The following HOOK1 variants were observed in gnomAD, a reference collection of about 807,000 sequenced individuals.
HOOK1 encodes protein Hook homolog 1.
In HOOK1, 60 loss-of-function variants were observed where a neutral mutation model predicts 112.8. That is an observed-to-expected ratio of 0.53 (90% CI 0.43 to 0.66). HOOK1 has a LOEUF of 0.66. Ranked by LOEUF, HOOK1 falls within the 30% of genes least tolerant of loss-of-function variation. HOOK1 has a pLI of 0.00. For synonymous variants in HOOK1, 294 were observed against 283.8 expected, an observed-to-expected ratio of 1.04 and a Z score of -0.36; for missense variants, 770 against 856.0, an observed-to-expected ratio of 0.90 and a Z score of 1.25.
intron 3 of HOOK1, among the ~76,000 whole-genome samples, chr1:59,831,366 A>G (rs1013258994): frequency 4.6e-5 from 7 of 152,098 alleles, no homozygotes; most frequent in African/African-American, 9.7e-5. Flanking sequence ...TGCGTGTAGC[A>G]TGGTGTCTTC....
intron 1 of HOOK1, among the ~76,000 whole-genome samples, chr1:59,817,362 G>A (rs1167919346): frequency 6.6e-6 from 1 of 151,976 alleles, no homozygotes; most frequent in Non-Finnish European, 1.5e-5. Flanking sequence ...TCCACTAAGT[G>A]TTATATTACC....
intron 2 of HOOK1, among the ~76,000 whole-genome samples, chr1:59,825,368 CT>C (rs1012658181): frequency 2.6e-5 from 4 of 151,404 alleles, no homozygotes; most frequent in South Asian, 4.2e-4. Context: ...TTTGACTAAA[CT>C]TTTTTTTTGT....
chr1:59,843,892 A>G (rs1416018452), intron 9 of HOOK1, among the ~76,000 whole-genome samples: 3 of 152,056 alleles, frequency 2.0e-5, no homozygotes, highest in African/African-American at 7.2e-5. Context: ...ACCTGGGGAG[A>G]ACAAGGAGTT....
intron 21 of HOOK1, among the ~76,000 whole-genome samples, chr1:59,871,534 C>A (rs1054516813): frequency 6.6e-6 from 1 of 152,082 alleles, no homozygotes; most frequent in African/African-American, 2.4e-5. Context: ...CTCAGTGTGT[C>A]CTTTACTGTA....
intron 4 of HOOK1, 86 bp from the exon 5 acceptor site, chr1:59,833,319 A>T (rs1283732454): frequency 1.0e-6 from 1 of 977,698 alleles, no homozygotes; most frequent in South Asian, 3.2e-5. Flanking sequence ...TCGTGAATTT[A>T]TAATTTATTT....
chr1:59,848,495 A>G lies in HOOK1; in HGVS notation c.1110A>G (p.Gln370=), dbSNP rs1416827810. The change falls in exon 11 of 22, where the codon CAA becomes CAG. Residue 370 remains glutamine, a synonymous_variant. Coordinates refer to ENST00000371208, the MANE Select transcript of HOOK1 (RefSeq NM_015888.6). ...AAAAAGCAAATGCAGCACGTACACA[A>G]TTAGAAACATACAAAAGGCAGGTAA... The part of the protein sequence containing the change: ...ELKKANAART[Q]LETYKRQVQD... 1 of 1,608,284 alleles carries G rather than the reference A, an allele frequency of 6.2e-7. No homozygotes were observed. Among genetic ancestry groups the G allele is most frequent in the Non-Finnish European group, 8.5e-7 (1 of 1,176,136 alleles).
chr1:59,865,177 A>G lies in HOOK1; in HGVS notation c.1676A>G (p.Glu559Gly), dbSNP rs973658149. 6 of 1,603,818 alleles carry G rather than the reference A, an allele frequency of 3.7e-6. No homozygotes were observed. The highest frequency in any genetic ancestry group is 5.1e-6 in the Non-Finnish European group (6 of 1,170,732). The change falls in exon 18 of 22, where the codon GAG becomes GGG. Residue 559 changes from glutamate (E) to glycine (G), a missense_variant. Around this residue, in one of 3 missense-constraint regions of HOOK1, gnomAD observed 655 missense variants for 725.9 expected, o/e 0.90. Transcript: ENST00000371208. ...KLEAHMEKLT[E>G]VHEELQKKQE... Reference sequence around the variant, plus strand: ...CTACCACTTAGGGAAAAACTCACAGAGGTCCATGAAGAATTACAGAAGAAA... The same window carrying G: ...CTACCACTTAGGGAAAAACTCACAGGGGTCCATGAAGAATTACAGAAGAAA...
chr1:59,823,111 C>A (rs549592938), intron 2 of HOOK1, among the ~76,000 whole-genome samples: 7 of 152,110 alleles, frequency 4.6e-5, no homozygotes, highest in African/African-American at 1.7e-4. Flanking sequence ...ACAAGGTCAG[C>A]AGATCGAGAC....
At position 59,873,163 on chromosome 1, in the gene HOOK1, A is replaced by T; in HGVS notation, c.*198A>T. 2.5e-6 allele frequency: 1 copy of T among 399,448 alleles called. No homozygotes were observed. The highest frequency in any genetic ancestry group is 4.4e-6 in the Non-Finnish European group (1 of 228,214). 24.7% of individuals were successfully genotyped at this position (399,448 alleles called of 1,614,324 possible). A position where few individuals can be genotyped will look rare whatever the true frequency, so the allele number is the denominator to read the frequency against. On this transcript the variant is annotated 3_prime_UTR_variant, in exon 22 of 22. Transcript: ENST00000371208. ...AATTATAGAATTAGCCATCTCTCTGAGGGAGCACATTTGAATAATTGGAGA... is the reference window on the plus strand; with the variant it reads ...AATTATAGAATTAGCCATCTCTCTGTGGGAGCACATTTGAATAATTGGAGA...
chr1:59,866,343 A>G (rs1038817048), intron 19 of HOOK1, among the ~76,000 whole-genome samples: 11 of 152,192 alleles, frequency 7.2e-5, no homozygotes, highest in Non-Finnish European at 1.3e-4. Flanking sequence ...CAAAATGGAT[A>G]TTTTATCTTT....
At chr1:59,857,739 G>C (rs2098411462) in intron 12 of HOOK1, among the ~76,000 whole-genome samples, 1 of 152,128 alleles carries the variant, frequency 6.6e-6, no homozygotes, top group South Asian at 2.1e-4. Context: ...TTCAAGTTCT[G>C]GGAAAATGAT....
chr1:59,833,861 C>T (rs1336501855), intron 5 of HOOK1, among the ~76,000 whole-genome samples: 1 of 152,132 alleles, frequency 6.6e-6, no homozygotes, highest in East Asian at 1.9e-4. Flanking sequence ...GTCTATTTTA[C>T]ATGTAAGAAC....
intron 11 of HOOK1, 39 bp downstream of exon 11, chr1:59,848,555 G>A (rs1484537305): frequency 7.0e-7 from 1 of 1,425,244 alleles, no homozygotes; most frequent in Admixed American, 1.8e-5. Context: ...AAAATTGTAA[G>A]AGTTTAACTT....
At chr1:59,827,085 T>A (rs1327893391) in intron 2 of HOOK1, among the ~76,000 whole-genome samples, 1 of 152,076 alleles carries the variant, frequency 6.6e-6, no homozygotes, top group East Asian at 1.9e-4. Flanking sequence ...TTTTAAGGAA[T>A]TGGCTCATGT....
At chr1:59,854,867 ATAT>A (rs1341898510) in intron 12 of HOOK1, among the ~76,000 whole-genome samples, 1 of 152,206 alleles carries the variant, frequency 6.6e-6, no homozygotes, top group Non-Finnish European at 1.5e-5. Context: ...CAGATTTGAA[ATAT>A]TATATTATTT....
At chr1:59,864,590 T>G (rs762982660) in intron 16 of HOOK1, 42 bp from the exon 17 acceptor site, 1 of 1,302,168 alleles carries the variant, frequency 7.7e-7, no homozygotes, top group Non-Finnish European at 1.1e-6. Context: ...TTGACCTTTG[T>G]CAAGATAGTC....
At chr1:59,868,750 G>A (rs570436296) in intron 20 of HOOK1, among the ~76,000 whole-genome samples, 14 of 152,238 alleles carry the variant, frequency 9.2e-5, no homozygotes, top group South Asian at 4.1e-4. Flanking sequence ...GTCTTCAGCC[G>A]TTTCTCACCT....
chr1:59,817,086 T>C (rs909486687), intron 1 of HOOK1, among the ~76,000 whole-genome samples: 2 of 152,216 alleles, frequency 1.3e-5, no homozygotes, highest in Non-Finnish European at 2.9e-5. Context: ...ATTGTATCAT[T>C]TGTTCCCTTT....
chr1:59,855,600 T>A (rs145364996), intron 12 of HOOK1, among the ~76,000 whole-genome samples: 39 of 152,186 alleles, frequency 2.6e-4, no homozygotes, highest in African/African-American at 8.9e-4. Flanking sequence ...AACATTTGCA[T>A]GCATGTGCTA....
Sources: gnomAD v4.1 joint callset for allele counts (sites outside exome capture counted in the v4.1 genomes callset) on GRCh38, gnomAD v4.1.1 for gene constraint, gnomAD v4.1.1 regional missense constraint, MANE v1.5 for transcripts, NCBI Gene and HGNC (gene_info 2026-07-23, HGNC 2026-07-21) for gene names.